The following USP43 variants were observed in gnomAD, a reference collection of about 807,000 sequenced individuals.
USP43 encodes ubiquitin carboxyl-terminal hydrolase 43.
A neutral mutation model predicts 90.7 loss-of-function variants in USP43; 33 were observed. The observed-to-expected ratio is 0.36, with a 90% CI of 0.28 to 0.49. The LOEUF (loss-of-function observed/expected upper bound fraction) is 0.49. Ranked by LOEUF, USP43 falls within the 20% of genes least tolerant of loss-of-function variation. The pLI, the probability that USP43 is intolerant of heterozygous loss-of-function variation, is 0.98. For synonymous variants in USP43, 598 were observed against 615.8 expected (o/e 0.97, Z 0.43); for missense variants, 1,274 against 1,476.4 (o/e 0.86, Z 2.25).
At chr17:9,681,462 T>TATTTTATATATATA (rs1555550104) in intron 6 of USP43, among the ~76,000 whole-genome samples, 1 of 18,578 alleles carries the variant, frequency 5.4e-5, no homozygotes, top group African/African-American at 2.6e-4. Context: ...ATAAAATATA[T>TATTTTATATATATA]TATATATATA....
rs375242612 is a variant in USP43, at chr17:9,701,359, A to G, written c.1670A>G (p.Gln557Arg). ...GGGTGGTTTGCTTTCCAGCTGGCCC[A>G]GGATGACGCCTGGAAGTGTCCTCAC... is the stretch of plus-strand genomic sequence containing the variant. ...QFYTKEEQLAQDDAWKCPHCQ... is the reference protein window; with the variant it reads ...QFYTKEEQLARDDAWKCPHCQ... Residue 557 changes from glutamine (Q) to arginine (R), a missense_variant, in exon 12 of 15, where the codon CAG becomes CGG. This residue lies in a region of USP43 where 253 missense variants were observed against 276.0 expected (regional missense o/e 0.92). Transcript: ENST00000285199. This position sits in a 1 kb window ranked among gnomAD's most constrained non-coding sequence, Gnocchi z 7.2. 1.3e-6 allele frequency: 2 copies of G among 1,596,100 alleles called. No homozygotes were observed. Among genetic ancestry groups the G allele is most frequent in the Non-Finnish European group, 1.7e-6 (2 of 1,171,522 alleles).
intron 14 of USP43, among the ~76,000 whole-genome samples, chr17:9,721,720 A>ATTT (rs11340592): frequency 5.4e-4 from 64 of 119,064 alleles, no homozygotes; most frequent in African/African-American, 1.8e-3. Context: ...GTATAGCTGT[A>ATTT]TTTTTTTTTT....
In USP43 at chr17:9,645,848, C is replaced by G; in HGVS notation, c.216C>G (p.Pro72=). The G allele has an allele frequency of 7.1e-7, 1 of 1,408,538 alleles. No homozygotes were observed. The highest frequency in any genetic ancestry group is 9.2e-7 in the Non-Finnish European group (1 of 1,087,362). 87.3% of individuals were successfully genotyped at this position (1,408,538 alleles called of 1,614,324 possible). ...CCCCGGGCCCAGTTCCAGCGGCCCCCGGGAGCCCCGGGGAGGAACGCCCGC... is the reference window on the plus strand; with the variant it reads ...CCCCGGGCCCAGTTCCAGCGGCCCCGGGGAGCCCCGGGGAGGAACGCCCGC... ...ACAPGPVPAA[P]GSPGEERPPG... is the part of the protein sequence containing the mutation. Residue 72 remains proline (P), a synonymous_variant, in exon 1 of 15, where the codon CCC becomes CCG. Transcript: ENST00000285199. The surrounding 1 kb of genome is among the most constrained non-coding windows in gnomAD (Gnocchi z 6.8).
intron 14 of USP43, among the ~76,000 whole-genome samples, chr17:9,712,478 G>A (rs987579658): frequency 4.6e-5 from 7 of 152,204 alleles, no homozygotes; most frequent in African/African-American, 9.6e-5. Flanking sequence ...CACAGGGCCC[G>A]GGAGATAGGA....
chr17:9,727,961 G>T lies in USP43; in HGVS notation c.2343G>T (p.Leu781Phe). Residue 781 changes from leucine to phenylalanine, a missense_variant, in exon 15 of 15, where the codon TTG becomes TTT. Physicochemically the swap from Leu to Phe is conservative, Grantham distance 22 (BLOSUM62 0). Transcript: ENST00000285199. The part of the protein sequence containing the change: ...NSLCNQEKGG[L>F]EPRRLVRGVK... ...TCTCTCTGTCTCTTTCAGGAGGGTT[G>T]GAGCCCAGGCGTTTGGTACGGGGCG... The T allele has an allele frequency of 6.2e-7, 1 of 1,601,146 alleles. No individual in the cohort carries two copies. The highest frequency in any genetic ancestry group is 8.5e-7 in the Non-Finnish European group (1 of 1,170,794).
At chr17:9,680,940 A>G (rs1416516054) in intron 6 of USP43, among the ~76,000 whole-genome samples, 1 of 148,076 alleles carries the variant, frequency 6.8e-6, no homozygotes, top group Admixed American at 7.0e-5. Context: ...AGTCCTTTTT[A>G]TTTGTAGATC....
At chr17:9,720,873 A>G (rs1033887207) in intron 14 of USP43, among the ~76,000 whole-genome samples, 8 of 152,154 alleles carry the variant, frequency 5.3e-5, no homozygotes, top group Admixed American at 1.3e-4. Flanking sequence ...GTGTCCTGCA[A>G]TGCCCAGGAG....
chr17:9,726,391 C>G (rs1262893213), intron 14 of USP43, among the ~76,000 whole-genome samples: 4 of 152,112 alleles, frequency 2.6e-5, no homozygotes, highest in Non-Finnish European at 5.9e-5. Flanking sequence ...ATTGTTCATT[C>G]AGGCTGTTAG....
At chr17:9,647,983 T>C (rs1424848215) in intron 1 of USP43, among the ~76,000 whole-genome samples, 1 of 152,140 alleles carries the variant, frequency 6.6e-6, no homozygotes, top group Non-Finnish European at 1.5e-5. Flanking sequence ...ATTGCGCCAC[T>C]GCACTCCAGC....
chr17:9,651,634 G>A (rs559959383), intron 1 of USP43, among the ~76,000 whole-genome samples: 12 of 152,062 alleles, frequency 7.9e-5, no homozygotes, highest in African/African-American at 1.7e-4. Context: ...TTGATTTTGC[G>A]TACCTGCTTT....
chr17:9,700,046 C>T, intron 9 of USP43, 126 bp from the exon 10 acceptor site: 1 of 895,030 alleles, frequency 1.1e-6, no homozygotes. Flanking sequence ...CCTTGGCTTA[C>T]TGGCAGTTTT....
intron 8 of USP43, among the ~76,000 whole-genome samples, chr17:9,689,568 T>C (rs1454770281): frequency 6.6e-6 from 1 of 152,072 alleles, no homozygotes; most frequent in African/African-American, 2.4e-5. Context: ...CCTGCCATCA[T>C]GCCTGGTTAA....
At chr17:9,720,321 C>CAAAAAAAA (rs980644442) in intron 14 of USP43, among the ~76,000 whole-genome samples, 10 of 43,668 alleles carry the variant, frequency 2.3e-4, no homozygotes, top group African/African-American at 3.6e-4. Flanking sequence ...GACTCCATCT[C>CAAAAAAAA]AAAAAAAAAA....
intron 2 of USP43, among the ~76,000 whole-genome samples, chr17:9,657,543 G>C (rs1406445580): frequency 6.6e-6 from 1 of 152,004 alleles, no homozygotes; most frequent in Non-Finnish European, 1.5e-5. Context: ...CCTGAGACTG[G>C]GTAATTTATA....
intron 2 of USP43, among the ~76,000 whole-genome samples, chr17:9,665,750 T>C (rs1218291699): frequency 6.6e-6 from 1 of 152,196 alleles, no homozygotes; most frequent in Non-Finnish European, 1.5e-5. Context: ...ACCAGTGTTC[T>C]TGTGAAAGAG....
rs746178690 is a variant in USP43 at position 9,656,427 on chromosome 17, C to G, written c.529C>G (p.Gln177Glu). ...GAATGCAGTTTCCAAGTACGGCTCT[C>G]AGTTCCAAGGCAATTCCCAGCACGA... The part of the protein sequence containing the change: ...FKNAVSKYGS[Q>E]FQGNSQHDAL... The change falls in exon 2 of 15, where the codon CAG (glutamine) becomes GAG (glutamate). Residue 177 changes from glutamine to glutamate, a missense_variant. Around this residue, in one of 6 missense-constraint regions of USP43, gnomAD observed 259 missense variants for 373.7 expected, o/e 0.69. Coordinates refer to ENST00000285199, the MANE Select transcript of USP43 (RefSeq NM_153210.5). 1.9e-6 allele frequency: 3 copies of G among 1,611,080 alleles called. No homozygotes were observed. Among genetic ancestry groups the G allele is most frequent in the Non-Finnish European group, 2.5e-6 (3 of 1,178,830 alleles).
intron 1 of USP43, chr17:9,647,010 C>G (rs1271387310): frequency 6.8e-6 from 1 of 147,904 alleles, no homozygotes; most frequent in Non-Finnish European, 1.5e-5. Flanking sequence ...GTTTGGGGTC[C>G]CAGTTGGATT....
intron 9 of USP43, among the ~76,000 whole-genome samples, chr17:9,697,521 TC>T (rs1410621180): frequency 6.6e-6 from 1 of 152,178 alleles, no homozygotes; most frequent in African/African-American, 2.4e-5. Context: ...TATCTATTGT[TC>T]CCATCTTTAT....
chr17:9,704,843 C>T (rs1248097346), intron 12 of USP43, among the ~76,000 whole-genome samples: 2 of 151,860 alleles, frequency 1.3e-5, no homozygotes, highest in Admixed American at 6.6e-5. Flanking sequence ...CTTGCTGGGC[C>T]CTCAAAGCTG....
Sources: allele counts gnomAD v4.1 joint callset (sites outside exome capture counted in the v4.1 genomes callset), GRCh38; gene constraint gnomAD v4.1.1; regional missense constraint gnomAD v4.1.1; non-coding constraint Gnocchi (gnomAD v3.1); transcripts MANE v1.5; gene names NCBI Gene and HGNC (gene_info 2026-07-23, HGNC 2026-07-21).